USP15: variants seen among roughly 807,000 people sequenced by gnomAD.
USP15 encodes the protein ubiquitin specific peptidase 15, also known as ubiquitin carboxyl-terminal hydrolase 15.
Under a neutral mutation model 127.1 loss-of-function variants are expected in USP15, and 18 were observed. That is an observed-to-expected ratio of 0.14 (90% CI 0.10 to 0.21). USP15 has a LOEUF of 0.21. Among genes scored for constraint, USP15 ranks in the 10% least tolerant of loss-of-function variants. The pLI, the probability that USP15 is intolerant of heterozygous loss-of-function variation, is 1.00. For missense variants in USP15, 805 were observed against 1,159.9 expected (o/e 0.69, Z 4.44); for synonymous variants, 364 against 393.7 (o/e 0.92, Z 0.89).
chr12:62,288,344 C>CTTTT (rs34110065), intron 1 of USP15, among the ~76,000 whole-genome samples: 10 of 114,452 alleles, frequency 8.7e-5, no homozygotes, highest in Non-Finnish European at 1.2e-4. Context: ...TGGCATTTTA[C>CTTTT]TTTTTTTTTT....
rs544110225 is a variant in USP15 at position 62,338,615 on chromosome 12, C to T, written c.684-10606C>T. 2.3e-4 allele frequency among the ~76,000 whole-genome samples: 35 copies of T among 152,226 alleles called. No individual in the cohort carries two copies. The South Asian group carries it at 6.0e-3, about 26-fold the overall frequency. On this transcript the variant is annotated intron_variant, in intron 6 of 21. Transcript: ENST00000280377. ...TAGGTTTTTATGGTTTTGGGTTTTACATTTAAGTCTTTAATCTATCTTAAT... is the reference window on the plus strand; with the variant it reads ...TAGGTTTTTATGGTTTTGGGTTTTATATTTAAGTCTTTAATCTATCTTAAT...
chr12:62,311,735 A>G (rs544181358), intron 3 of USP15, among the ~76,000 whole-genome samples: 64 of 151,906 alleles, frequency 4.2e-4, no homozygotes, highest in Non-Finnish European at 7.5e-4. Flanking sequence ...GCAGTGGTCT[A>G]AAGTAAAAAT....
intron 3 of USP15, among the ~76,000 whole-genome samples, chr12:62,313,449 C>G (rs930254134): frequency 1.3e-5 from 2 of 151,178 alleles, no homozygotes; most frequent in Non-Finnish European, 3.0e-5. Context: ...TGCAGTTTAC[C>G]TTAGTTTTAG....
chr12:62,281,899 A>G (rs530752374), intron 1 of USP15, among the ~76,000 whole-genome samples: 28 of 152,334 alleles, frequency 1.8e-4, no homozygotes, highest in African/African-American at 6.5e-4. Context: ...AAGGTTTACC[A>G]AGTATATACT....
At chr12:62,296,006 T>C (rs1226898489) in intron 2 of USP15, among the ~76,000 whole-genome samples, 2 of 152,190 alleles carry the variant, frequency 1.3e-5, no homozygotes, top group Non-Finnish European at 2.9e-5. Flanking sequence ...TTTCTCTGTC[T>C]GGTGGCAAAA....
intron 8 of USP15, among the ~76,000 whole-genome samples, chr12:62,372,191 T>C (rs1443820825): frequency 6.6e-6 from 1 of 152,154 alleles, no homozygotes; most frequent in African/African-American, 2.4e-5. Context: ...GTAAGAATTA[T>C]AGCACATAAT....
chr12:62,404,324 C>T lies in USP15; in HGVS notation c.2895C>T (p.Ser965=). The T allele has an allele frequency of 6.2e-7, 1 of 1,612,528 alleles. No individual in the cohort carries two copies. Among genetic ancestry groups the T allele is most frequent in the Non-Finnish European group, 8.5e-7 (1 of 1,179,038 alleles). Residue 965 remains serine (S), a synonymous_variant, in exon 22 of 22, where the codon AGC becomes AGT. Coordinates refer to ENST00000280377, the MANE Select transcript of USP15 (RefSeq NM_001252078.2). The part of the protein sequence containing the change: ...TGIPLESDED[S]NDNDNDIENE... ...TCCCATTAGAAAGTGATGAAGATAG[C>T]AATGATAATGACAATGATATAGAAA...
intron 6 of USP15, 90 bp downstream of exon 6, chr12:62,326,023 T>A: frequency 9.0e-7 from 1 of 1,110,018 alleles, no homozygotes; most frequent in East Asian, 2.5e-5. Context: ...AGAACCTAGA[T>A]GTGTATTGCA....
At chr12:62,400,159 G>A (rs968348372) in intron 20 of USP15, among the ~76,000 whole-genome samples, 3 of 152,134 alleles carry the variant, frequency 2.0e-5, no homozygotes, top group African/African-American at 7.2e-5. Context: ...CAGTTATTGA[G>A]TAGTTTATAC....
intron 21 of USP15, 42 bp downstream of exon 21, chr12:62,401,317 G>A: frequency 6.9e-6 from 10 of 1,448,338 alleles, no homozygotes; most frequent in Non-Finnish European, 9.6e-6. Flanking sequence ...GGGATTCACT[G>A]TCTTAAGGAG....
chr12:62,330,430 A>G (rs1183205962), intron 6 of USP15, among the ~76,000 whole-genome samples: 1 of 151,798 alleles, frequency 6.6e-6, no homozygotes, highest in African/African-American at 2.4e-5. Flanking sequence ...CTCTACTAAA[A>G]ATACAAAAAT....
chr12:62,415,490 C>T lies in USP15; in HGVS notation c.*11115C>T, dbSNP rs2068135043. On this transcript the variant is annotated 3_prime_UTR_variant, in exon 22 of 22. Transcript: ENST00000280377. ...CATTAAATAAACCATCACATCCCTT[C>T]ATGTAGAAAAGAGTGGTTTGGACCA... 6.6e-6 allele frequency: 1 copy of T among 152,196 alleles called. No homozygotes were observed. Among genetic ancestry groups the T allele is most frequent in the South Asian group, 2.1e-4 (1 of 4,834 alleles). The allele number at this position is 152,196 out of a possible 1,614,324, so 9.4% of individuals were successfully genotyped here. A position where few individuals can be genotyped will look rare whatever the true frequency, so the allele number is the denominator to read the frequency against.
At chr12:62,363,287 C>T (rs2066371313) in intron 8 of USP15, among the ~76,000 whole-genome samples, 2 of 152,056 alleles carry the variant, frequency 1.3e-5, no homozygotes, top group Admixed American at 1.3e-4. Flanking sequence ...TCATTTCACT[C>T]AACGATCAAT....
intron 8 of USP15, among the ~76,000 whole-genome samples, chr12:62,378,901 G>A (rs781190052): frequency 2.0e-5 from 3 of 151,982 alleles, no homozygotes; most frequent in Non-Finnish European, 4.4e-5. Flanking sequence ...GTAAATACAG[G>A]CAAAAATATT....
At chr12:62,333,858 TACCAAAA>T (rs1565863718) in intron 6 of USP15, among the ~76,000 whole-genome samples, 2 of 152,078 alleles carry the variant, frequency 1.3e-5, no homozygotes, top group African/African-American at 4.8e-5. Context: ...AGAGACAACA[TACCAAAA>T]CCTTAAAGAG....
chr12:62,325,677 T>C (rs909368123), intron 5 of USP15, among the ~76,000 whole-genome samples, 195 bp from the exon 6 acceptor site: 1 of 152,132 alleles, frequency 6.6e-6, no homozygotes, highest in African/African-American at 2.4e-5. Flanking sequence ...TACTGATTTC[T>C]TGTTATTTGA....
Position 62,407,216 on chromosome 12 carries a change from T to C in USP15, c.*2841T>C, listed in dbSNP as rs997517696. The stretch of plus-strand genomic sequence containing the variant: ...CACAACAGCTATGAGGTAGGGATAG[T>C]TGTCATCCCCATTTTTCATATGAAG... On this transcript the variant is annotated 3_prime_UTR_variant, in exon 22 of 22. Transcript: ENST00000280377. 1 of 152,210 alleles carries C rather than the reference T, an allele frequency of 6.6e-6. No homozygotes were observed. Among genetic ancestry groups the C allele is most frequent in the Admixed American group, 6.5e-5 (1 of 15,274 alleles). The allele number at this position is 152,210 out of a possible 1,614,324, so 9.4% of individuals were successfully genotyped here.
Position 62,389,966 on chromosome 12 carries a change from A to C in USP15, c.1822A>C (p.Asn608His). 6.2e-7 allele frequency: 1 copy of C among 1,610,068 alleles called. No homozygotes were observed. The highest frequency in any genetic ancestry group is 8.5e-7 in the Non-Finnish European group (1 of 1,178,144). ...AAACAATACTGAAGACAAACTTTAT[A>C]ATCTCCTGCTCTTGAGAATGTGGTA... is the stretch of plus-strand genomic sequence containing the variant. ...PRNNTEDKLY[N>H]LLLLRMCRYV... Residue 608 changes from asparagine (N) to histidine (H), a missense_variant, in exon 14 of 22, where the codon AAT (asparagine) becomes CAT (histidine). Transcript: ENST00000280377.
chr12:62,368,180 G>T (rs532082631), intron 8 of USP15, among the ~76,000 whole-genome samples: 1 of 152,220 alleles, frequency 6.6e-6, no homozygotes, highest in South Asian at 2.1e-4. Context: ...GAGACTGTTT[G>T]TTATGATTTC....
Sources: allele counts gnomAD v4.1 joint callset (sites outside exome capture counted in the v4.1 genomes callset), GRCh38; gene constraint gnomAD v4.1.1; transcripts MANE v1.5; gene names NCBI Gene and HGNC (gene_info 2026-07-23, HGNC 2026-07-21).